DOK5: variants seen among roughly 807,000 people sequenced by gnomAD.
DOK5 encodes docking protein 5.
A neutral mutation model predicts 43.3 loss-of-function variants in DOK5; 27 were observed. The ratio of observed to expected loss-of-function variants is 0.62; its 90% CI spans 0.46 to 0.86. DOK5 has a LOEUF of 0.86. Ranked by LOEUF, DOK5 falls within the 40% of genes least tolerant of loss-of-function variation. DOK5 has a pLI of 0.00. For missense variants in DOK5, 373 were observed against 392.9 expected (o/e 0.95, Z 0.43); for synonymous variants, 146 against 140.1 (o/e 1.04, Z -0.30).
At chr20:54,593,329 A>T (rs1271784092) in intron 5 of DOK5, among the ~76,000 whole-genome samples, 2 of 152,036 alleles carry the variant, frequency 1.3e-5, no homozygotes, top group Non-Finnish European at 2.9e-5. Context: ...CAGAAATATG[A>T]TCACTTTGAT....
intron 6 of DOK5, among the ~76,000 whole-genome samples, chr20:54,614,496 T>C (rs1454013528): frequency 6.6e-6 from 1 of 152,214 alleles, no homozygotes; most frequent in East Asian, 1.9e-4. Context: ...GATTGTCTTG[T>C]TCGTAGAGCC....
At chr20:54,616,164 G>A (rs901225591) in intron 6 of DOK5, among the ~76,000 whole-genome samples, 4 of 152,180 alleles carry the variant, frequency 2.6e-5, no homozygotes, top group Middle Eastern at 3.2e-3. Context: ...GACATTTTGT[G>A]TAATTTCTAA....
chr20:54,475,713 C>G lies in DOK5; in HGVS notation c.-234C>G, dbSNP rs1445557368. On this transcript the variant is annotated 5_prime_UTR_variant, in exon 1 of 8. Coordinates refer to ENST00000262593, the MANE Select transcript of DOK5 (RefSeq NM_018431.5). This position sits in a 1 kb window ranked among gnomAD's most constrained non-coding sequence, Gnocchi z 4.2. ...CGCCGGCGCTCCAGCCTCGCCTCCC[C>G]GCGCCGCGCTCTGCGCTCCCCGAAA... is the stretch of plus-strand genomic sequence containing the variant. 6.8e-6 allele frequency: 4 copies of G among 586,184 alleles called. No homozygotes were observed. Among genetic ancestry groups the G allele is most frequent in the Non-Finnish European group, 1.2e-5 (4 of 339,354 alleles). 36.3% of individuals were successfully genotyped at this position (586,184 alleles called of 1,614,324 possible).
intron 1 of DOK5, among the ~76,000 whole-genome samples, chr20:54,490,320 G>A (rs112365213): frequency 2.8e-4 from 42 of 152,080 alleles, no homozygotes; most frequent in African/African-American, 9.6e-4. Flanking sequence ...ATATTATGTT[G>A]AATGAAATGA....
At chr20:54,521,677 T>C (rs1032065493) in intron 1 of DOK5, among the ~76,000 whole-genome samples, 3 of 152,158 alleles carry the variant, frequency 2.0e-5, no homozygotes, top group Non-Finnish European at 4.4e-5. Flanking sequence ...ATTTCATTAC[T>C]TAGGCATGAT....
intron 1 of DOK5, among the ~76,000 whole-genome samples, chr20:54,527,780 T>C (rs1434087726): frequency 2.6e-5 from 4 of 152,198 alleles, no homozygotes; most frequent in Admixed American, 2.6e-4. Context: ...AAGCTGTGTA[T>C]GCATTAGAAA....
At chr20:54,647,509 T>TAA (rs747478559) in intron 7 of DOK5, among the ~76,000 whole-genome samples, 15,213 of 127,548 alleles carry the variant, frequency 0.12, 1,384 homozygotes, top group African/African-American at 0.26. Context: ...CTGTCTCAGT[T>TAA]AAAAAAAAAA....
chr20:54,576,653 G>A (rs1335972024), intron 2 of DOK5, among the ~76,000 whole-genome samples: 1 of 152,180 alleles, frequency 6.6e-6, no homozygotes, highest in Non-Finnish European at 1.5e-5. Context: ...CTTTGCCACA[G>A]GACCTGGCAT....
At chr20:54,522,218 A>C (rs529074434) in intron 1 of DOK5, among the ~76,000 whole-genome samples, 1 of 152,340 alleles carries the variant, frequency 6.6e-6, no homozygotes, top group African/African-American at 2.4e-5. Flanking sequence ...GAGCTTTAAA[A>C]AAAAGCACAT....
At chr20:54,627,426 T>G (rs1007158931) in intron 6 of DOK5, among the ~76,000 whole-genome samples, 5 of 152,196 alleles carry the variant, frequency 3.3e-5, no homozygotes, top group African/African-American at 1.2e-4. Flanking sequence ...GACATATTAG[T>G]AGATCCATTT....
chr20:54,626,689 T>C (rs544671585), intron 6 of DOK5, among the ~76,000 whole-genome samples: 2 of 152,292 alleles, frequency 1.3e-5, no homozygotes, highest in East Asian at 1.9e-4. Context: ...CATAGACACA[T>C]ACACAGATAC....
intron 1 of DOK5, among the ~76,000 whole-genome samples, chr20:54,502,653 C>T (rs1012071431): frequency 3.9e-5 from 6 of 151,988 alleles, no homozygotes; most frequent in Non-Finnish European, 7.4e-5. Flanking sequence ...GTGTGTACAC[C>T]GCATTTTTTC....
At chr20:54,499,519 G>A (rs918816481) in intron 1 of DOK5, among the ~76,000 whole-genome samples, 25 of 152,204 alleles carry the variant, frequency 1.6e-4, no homozygotes, top group African/African-American at 4.6e-4. Context: ...CAAAGACTGC[G>A]TCTGTGAATG....
At chr20:54,557,049 T>TATGG (rs1415747225) in intron 2 of DOK5, among the ~76,000 whole-genome samples, 1 of 152,226 alleles carries the variant, frequency 6.6e-6, no homozygotes, top group Non-Finnish European at 1.5e-5. Context: ...GCTCAAAATG[T>TATGG]ATGGAGACTC....
chr20:54,562,262 C>T (rs1984934364), intron 2 of DOK5, among the ~76,000 whole-genome samples: 1 of 152,102 alleles, frequency 6.6e-6, no homozygotes, highest in Non-Finnish European at 1.5e-5. Flanking sequence ...ACTAGTATTG[C>T]ATAGTAGAAA....
chr20:54,488,590 A>G lies in DOK5; in HGVS notation c.66+12578A>G, dbSNP rs77413858. 9.5e-3 allele frequency among the ~76,000 whole-genome samples: 1,444 copies of G among 152,286 alleles called. 7 individuals carry two copies. Among genetic ancestry groups the G allele is most frequent in the Middle Eastern group, 0.058 (17 of 294 alleles). On this transcript the variant is annotated intron_variant, in intron 1 of 7. Coordinates refer to ENST00000262593, the MANE Select transcript of DOK5 (RefSeq NM_018431.5). ...CTGTAAGAGAGGGAATGAACAAGAT[A>G]GCCAAGTCCCTGGCCTCATAGAACT...
chr20:54,624,111 G>C (rs895611232), intron 6 of DOK5, among the ~76,000 whole-genome samples: 2 of 152,208 alleles, frequency 1.3e-5, no homozygotes, highest in African/African-American at 4.8e-5. Flanking sequence ...TCATAGCCTA[G>C]TACTCAGCAG....
At chr20:54,578,244 G>T (rs1432889619) in intron 2 of DOK5, among the ~76,000 whole-genome samples, 1 of 152,084 alleles carries the variant, frequency 6.6e-6, no homozygotes, top group Non-Finnish European at 1.5e-5. Context: ...ATTAAATATA[G>T]AATTAAGCTG....
At chr20:54,625,790 G>C (rs539078668) in intron 6 of DOK5, among the ~76,000 whole-genome samples, 1 of 152,168 alleles carries the variant, frequency 6.6e-6, no homozygotes, top group Non-Finnish European at 1.5e-5. Context: ...AGAATAAAAT[G>C]GCAAGGGAAG....
Sources: gnomAD v4.1 joint callset for allele counts (sites outside exome capture counted in the v4.1 genomes callset) on GRCh38, gnomAD v4.1.1 for gene constraint, Gnocchi (gnomAD v3.1) non-coding constraint, MANE v1.5 for transcripts, NCBI Gene and HGNC (gene_info 2026-07-23, HGNC 2026-07-21) for gene names.